Variants in IQSEC1 observed in about 807,000 individuals in gnomAD.
IQSEC1 encodes the protein IQ motif and Sec7 domain ArfGEF 1.
Under a neutral mutation model 91.0 loss-of-function variants are expected in IQSEC1, and 31 were observed. That is an observed-to-expected ratio of 0.34 (90% CI 0.26 to 0.46). The LOEUF (loss-of-function observed/expected upper bound fraction) is 0.46, where lower values mean the gene tolerates loss of function less well. Ranked by LOEUF, IQSEC1 falls within the 20% of genes least tolerant of loss-of-function variation. The pLI is 1.00. For synonymous variants in IQSEC1, 699 were observed against 662.6 expected, an observed-to-expected ratio of 1.05 and a Z score of -0.84; for missense variants, 1,388 against 1,575.6, an observed-to-expected ratio of 0.88 and a Z score of 2.02.
intron 1 of IQSEC1, among the ~76,000 whole-genome samples, chr3:13,069,520 C>G (rs949955094): frequency 6.6e-6 from 1 of 152,214 alleles, no homozygotes; most frequent in South Asian, 2.1e-4. Context: ...GGCATCCCAC[C>G]AGAGGGAGAC....
At chr3:13,251,472 G>A (rs1231597674) in intron 1 of IQSEC1, among the ~76,000 whole-genome samples, 1 of 152,196 alleles carries the variant, frequency 6.6e-6, no homozygotes, top group Non-Finnish European at 1.5e-5. Context: ...AATGAATAGT[G>A]TTTGCTGAAA....
intron 2 of IQSEC1, among the ~76,000 whole-genome samples, chr3:13,134,160 A>T (rs1706669049): frequency 6.6e-6 from 1 of 152,186 alleles, no homozygotes; most frequent in Non-Finnish European, 1.5e-5. Flanking sequence ...CGTGGGATGG[A>T]GGGTGTGGAT....
chr3:12,999,293 A>G (rs534164926), intron 1 of IQSEC1, among the ~76,000 whole-genome samples: 23 of 152,274 alleles, frequency 1.5e-4, no homozygotes, highest in African/African-American at 5.5e-4. Context: ...TAGATATGGA[A>G]TGGCTGCTGG....
chr3:13,192,102 G>A (rs112030568), intron 1 of IQSEC1, among the ~76,000 whole-genome samples: 13 of 152,218 alleles, frequency 8.5e-5, no homozygotes, highest in South Asian at 2.1e-4. Flanking sequence ...TTGGGAGGCC[G>A]AGGCGGGCGG....
intron 1 of IQSEC1, among the ~76,000 whole-genome samples, chr3:12,963,604 G>A (rs1421522164): frequency 1.3e-5 from 2 of 152,170 alleles, no homozygotes; most frequent in Non-Finnish European, 2.9e-5. Flanking sequence ...CCTCCCCAGG[G>A]GTTTCTTTTG....
rs754235473 is a variant in IQSEC1 at position 12,920,552 on chromosome 3, C to T, written c.1898G>A (p.Arg633Gln). 46 of 1,614,048 alleles carry T rather than the reference C, an allele frequency of 2.8e-5. No homozygotes were observed. Among genetic ancestry groups the T allele is most frequent in the South Asian group, 1.2e-4 (11 of 91,096 alleles). The change falls in exon 6 of 14, where the codon CGG becomes CAG. Residue 633 changes from arginine to glutamine, a missense_variant. Arg to Gln is a conservative substitution (Grantham distance 43). Coordinates refer to ENST00000613206, the MANE Select transcript of IQSEC1 (RefSeq NM_001134382.3). ...CAGGATGAAAATGGTGTCTGGGTTC[C>T]GGAATTGCCGCACCACCCCAGGGTT... ...ICNPGVVRQF[R>Q]NPDTIFILAF...
At chr3:13,212,362 T>A (rs1694461877) in intron 1 of IQSEC1, among the ~76,000 whole-genome samples, 1 of 152,248 alleles carries the variant, frequency 6.6e-6, no homozygotes, top group African/African-American at 2.4e-5. Flanking sequence ...CAGGACTTCA[T>A]TCTTTACACA....
chr3:13,048,018 C>G (rs1704562313), intron 1 of IQSEC1, among the ~76,000 whole-genome samples: 1 of 152,140 alleles, frequency 6.6e-6, no homozygotes, highest in East Asian at 1.9e-4. Context: ...TGGATCTGGG[C>G]CCAGGAGCCT....
chr3:13,279,669 A>C (rs1695753115), intron 1 of IQSEC1, among the ~76,000 whole-genome samples: 2 of 151,988 alleles, frequency 1.3e-5, no homozygotes. Context: ...GGGGCTCCTG[A>C]CTCACGCCAG....
chr3:12,968,467 C>A (rs1300208984), intron 1 of IQSEC1, among the ~76,000 whole-genome samples: 1 of 152,066 alleles, frequency 6.6e-6, no homozygotes, highest in African/African-American at 2.4e-5. Context: ...TTCAAGGCAA[C>A]ATTGTGAAGT....
chr3:13,096,921 C>T (rs534022112), intron 2 of IQSEC1, among the ~76,000 whole-genome samples: 200 of 148,832 alleles, frequency 1.3e-3, no homozygotes, highest in Non-Finnish European at 2.1e-3. Flanking sequence ...AGTGCGGTGG[C>T]GCGATCTCGG....
At chr3:12,954,565 GCTGT>G (rs1699778412) in intron 1 of IQSEC1, among the ~76,000 whole-genome samples, 1 of 152,210 alleles carries the variant, frequency 6.6e-6, no homozygotes, top group African/African-American at 2.4e-5. Context: ...CCAGATCTCC[GCTGT>G]CTATCACACC....
intron 1 of IQSEC1, among the ~76,000 whole-genome samples, chr3:12,999,250 C>G (rs1482251064): frequency 6.6e-6 from 1 of 152,066 alleles, no homozygotes; most frequent in Admixed American, 6.5e-5. Context: ...GATGCCATAC[C>G]AGCTCCAGAA....
chr3:13,273,307 A>T (rs1232119956), intron 1 of IQSEC1, among the ~76,000 whole-genome samples: 1 of 152,138 alleles, frequency 6.6e-6, no homozygotes, highest in Non-Finnish European at 1.5e-5. Context: ...AGGGAAGTGA[A>T]CATCTCTGCT....
Position 12,992,902 on chromosome 3 carries a change from G to A in IQSEC1, c.24-51037C>T, listed in dbSNP as rs1702051631. On this transcript the variant is annotated intron_variant, in intron 1 of 13. Transcript: ENST00000613206. This position sits in a 1 kb window ranked among gnomAD's most constrained non-coding sequence, Gnocchi z 4.1. ...GAAGTTCCCCAGGACTATTAGGGGT[G>A]GGGAGAAGCTTGACTCACCTCTGCC... 6.6e-6 allele frequency among the ~76,000 whole-genome samples: 1 copy of A among 152,188 alleles called. No individual in the cohort carries two copies. Among genetic ancestry groups the A allele is most frequent in the South Asian group, 2.1e-4 (1 of 4,834 alleles).
chr3:12,970,279 G>T lies in IQSEC1; in HGVS notation c.24-28414C>A, dbSNP rs200321255. 3.3e-5 allele frequency among the ~76,000 whole-genome samples: 5 copies of T among 152,174 alleles called. No individual in the cohort carries two copies. The highest frequency in any genetic ancestry group is 1.2e-4 in the African/African-American group (5 of 41,440). The stretch of plus-strand genomic sequence containing the variant: ...ATTCTGCCCCAGGAGAGGCTCTAAT[G>T]GGGGGACATTTTGGGTTGGACCTTG... On this transcript the variant is annotated intron_variant, in intron 1 of 13. Coordinates refer to ENST00000613206, the MANE Select transcript of IQSEC1 (RefSeq NM_001134382.3). This position sits in a 1 kb window ranked among gnomAD's most constrained non-coding sequence, Gnocchi z 4.4.
At chr3:13,123,636 C>A (rs1436319652) in intron 2 of IQSEC1, among the ~76,000 whole-genome samples, 2 of 152,232 alleles carry the variant, frequency 1.3e-5, no homozygotes, top group African/African-American at 4.8e-5. Context: ...CAAGGCCAAG[C>A]GTCCTCTGCA....
rs1348135732 is a variant in IQSEC1, at chr3:12,909,690, G to A, written c.2417-256C>T. 1.3e-5 allele frequency among the ~76,000 whole-genome samples: 2 copies of A among 152,236 alleles called. No individual in the cohort carries two copies. The highest frequency in any genetic ancestry group is 2.4e-5 in the African/African-American group (1 of 41,460). On this transcript the variant is annotated intron_variant, in intron 10 of 13. Coordinates refer to ENST00000613206, the MANE Select transcript of IQSEC1 (RefSeq NM_001134382.3). This position sits in a 1 kb window ranked among gnomAD's most constrained non-coding sequence, Gnocchi z 4.9. ...GAGCTCAGGGGAGGCTGCTGGGGCC[G>A]CGTCCTGGAGGAGGACAGAGGTTGC... is the stretch of plus-strand genomic sequence containing the variant.
intron 5 of IQSEC1, among the ~76,000 whole-genome samples, chr3:12,921,202 G>A (rs1014460580): frequency 6.6e-6 from 1 of 152,180 alleles, no homozygotes; most frequent in Non-Finnish European, 1.5e-5. Flanking sequence ...GTGACAAGAG[G>A]CAGGGACAGA....
Sources: allele counts gnomAD v4.1 joint callset (sites outside exome capture counted in the v4.1 genomes callset), GRCh38; gene constraint gnomAD v4.1.1; non-coding constraint Gnocchi (gnomAD v3.1); transcripts MANE v1.5; gene names NCBI Gene and HGNC (gene_info 2026-07-23, HGNC 2026-07-21).